The following CARMIL2 variants were observed in gnomAD, a reference collection of about 807,000 sequenced individuals.
CARMIL2 encodes the protein capping protein, Arp2/3 and myosin-I linker protein 2.
CARMIL2 carries 96 observed loss-of-function variants against 173.3 expected under a neutral mutation model. That is an observed-to-expected ratio of 0.55 (90% CI 0.47 to 0.66). The LOEUF (loss-of-function observed/expected upper bound fraction) is 0.66. Ranked by LOEUF, CARMIL2 falls within the 30% of genes least tolerant of loss-of-function variation. The pLI, the probability that CARMIL2 is intolerant of heterozygous loss-of-function variation, is 0.00. For synonymous variants in CARMIL2, 830 were observed against 817.1 expected (o/e 1.02, Z -0.27); for missense variants, 1,771 against 1,906.7 (o/e 0.93, Z 1.33).
chr16:67,650,125 G>T lies in CARMIL2; in HGVS notation c.2159G>T (p.Gly720Val). The T allele has an allele frequency of 6.2e-7, 1 of 1,613,132 alleles. No homozygotes were observed. Among genetic ancestry groups the T allele is most frequent in the Non-Finnish European group, 8.5e-7 (1 of 1,179,692 alleles). ...CACACGACCCGCCTTCAGCCACTTG[G>T]TCTGGTCTCAGACCCCTCAGAGCAG... ...SDHTTRLQPL[G>V]LVSDPSEQEV... is the part of the protein sequence containing the mutation. Residue 720 changes from glycine (G) to valine (V), a missense_variant, in exon 22 of 38, where the codon GGT becomes GTT. Physicochemically the swap from Gly to Val is moderately radical, Grantham distance 109. Coordinates refer to ENST00000334583, the MANE Select transcript of CARMIL2 (RefSeq NM_001013838.3).
chr16:67,655,065 T>C (rs1199382546), intron 32 of CARMIL2, among the ~76,000 whole-genome samples, 165 bp downstream of exon 32: 2 of 152,258 alleles, frequency 1.3e-5, no homozygotes, highest in Non-Finnish European at 2.9e-5. Flanking sequence ...CTCTTGGCTT[T>C]GACCCAGGCA....
Position 67,657,223 on chromosome 16 carries a change from T to C in CARMIL2, c.4118-16T>C. 1.9e-6 allele frequency: 3 copies of C among 1,612,746 alleles called. No individual in the cohort carries two copies. The South Asian group carries it at 3.3e-5, about 18-fold the overall frequency. Reference sequence around the variant, plus strand: ...AAGCCTTAGCAACCCACCCCAAGCCTTTCTGTGTCCCTTAGAACGGCCCCT... The same window carrying C: ...AAGCCTTAGCAACCCACCCCAAGCCCTTCTGTGTCCCTTAGAACGGCCCCT... On this transcript the variant is annotated splice_polypyrimidine_tract_variant and intron_variant, in intron 36 of 37. Coordinates refer to ENST00000334583, the MANE Select transcript of CARMIL2 (RefSeq NM_001013838.3). The surrounding 1 kb of genome is among the most constrained non-coding windows in gnomAD (Gnocchi z 4.5).
In CARMIL2 at chr16:67,654,490, C is replaced by A; in HGVS notation, c.3380C>A (p.Thr1127Asn). Residue 1127 changes from threonine (T) to asparagine (N), a missense_variant, in exon 31 of 38, where the codon ACC becomes AAC. Around this residue, in one of 3 missense-constraint regions of CARMIL2, gnomAD observed 817 missense variants for 903.5 expected, o/e 0.90. Coordinates refer to ENST00000334583, the MANE Select transcript of CARMIL2 (RefSeq NM_001013838.3). ...ACCAGCCCTGGGGCAGCTCCCCGAA[C>A]CCGAAAAACTACATTTGGCGACCTA... is the stretch of plus-strand genomic sequence containing the variant. ...LETSPGAAPR[T>N]RKTTFGDLLR... The A allele has an allele frequency of 6.2e-7, 1 of 1,612,856 alleles. No individual in the cohort carries two copies. The highest frequency in any genetic ancestry group is 1.1e-5 in the South Asian group (1 of 90,988).
chr16:67,650,004 C>CAA (rs761164832), intron 21 of CARMIL2, 36 bp downstream of exon 21: 8 of 1,613,394 alleles, frequency 5.0e-6, no homozygotes, highest in Non-Finnish European at 8.5e-7. Context: ...CTTCTCTGCA[C>CAA]GGTAACTCCG....
At position 67,646,637 on chromosome 16, in the gene CARMIL2, C is replaced by A; in HGVS notation, c.467-77C>A. On this transcript the variant is annotated intron_variant, in intron 6 of 37. Transcript: ENST00000334583. The surrounding 1 kb of genome is among the most constrained non-coding windows in gnomAD (Gnocchi z 4.6). ...ATTCAGGTCCCAGCCACCACCTAGT[C>A]TGTGGGTCTGGTCTTCCTCCATCGC... 2 of 1,574,994 alleles carry A rather than the reference C, an allele frequency of 1.3e-6. No individual in the cohort carries two copies. The highest frequency in any genetic ancestry group is 1.7e-6 in the Non-Finnish European group (2 of 1,144,892).
rs775538710 is a variant in CARMIL2 at position 67,649,052 on chromosome 16, G to C, written c.1592-24G>C. Reference sequence around the variant, plus strand: ...CACCCTACCCTTGCAACTTCGCCTCGTGCGTGACCCGAGTCACCCCCAGGC... The same window carrying C: ...CACCCTACCCTTGCAACTTCGCCTCCTGCGTGACCCGAGTCACCCCCAGGC... On this transcript the variant is annotated intron_variant, in intron 17 of 37. Transcript: ENST00000334583. The surrounding 1 kb of genome is among the most constrained non-coding windows in gnomAD (Gnocchi z 6.7). 6.2e-7 allele frequency: 1 copy of C among 1,608,976 alleles called. No individual in the cohort carries two copies. The highest frequency in any genetic ancestry group is 1.1e-5 in the South Asian group (1 of 90,056).
rs943900483 is a variant in CARMIL2, at chr16:67,648,512, G to A, written c.1439+10G>A. 1.4e-6 allele frequency: 2 copies of A among 1,465,360 alleles called. No homozygotes were observed. The highest frequency in any genetic ancestry group is 9.0e-7 in the Non-Finnish European group (1 of 1,107,874). 90.8% of individuals were successfully genotyped at this position (1,465,360 alleles called of 1,614,324 possible). ...CGCCCGACGCGCTCAGGTCAGTGTCGGACCCCGGCCACGCCCCCGCGGGCG... is the reference window on the plus strand; with the variant it reads ...CGCCCGACGCGCTCAGGTCAGTGTCAGACCCCGGCCACGCCCCCGCGGGCG... On this transcript the variant is annotated intron_variant, in intron 15 of 37. Coordinates refer to ENST00000334583, the MANE Select transcript of CARMIL2 (RefSeq NM_001013838.3). The surrounding 1 kb of genome is among the most constrained non-coding windows in gnomAD (Gnocchi z 6.1).
chr16:67,653,423 A>C lies in CARMIL2; in HGVS notation c.3120+169A>C, dbSNP rs2052768720. ...CTTCTTCCTGACCACCCCCCACCCC[A>C]GGCCATGCCTGTGCGGGACCATGGG... On this transcript the variant is annotated intron_variant, in intron 29 of 37. Transcript: ENST00000334583. The surrounding 1 kb of genome is among the most constrained non-coding windows in gnomAD (Gnocchi z 7.4). Among the ~76,000 whole-genome samples, 1 of 151,682 alleles carries C rather than the reference A, an allele frequency of 6.6e-6. No individual in the cohort carries two copies. The highest frequency in any genetic ancestry group is 2.0e-4 in the East Asian group (1 of 5,120).
rs1235182201 is a variant in CARMIL2, at chr16:67,648,873, C to T, written c.1510-20C>T. Reference sequence around the variant, plus strand: ...GGCCTAAGTGGGTCCCACTTCCCACCTCCCACCTCCCACATACAGCTGCGC... The same window carrying T: ...GGCCTAAGTGGGTCCCACTTCCCACTTCCCACCTCCCACATACAGCTGCGC... On this transcript the variant is annotated intron_variant, in intron 16 of 37. Coordinates refer to ENST00000334583, the MANE Select transcript of CARMIL2 (RefSeq NM_001013838.3). This position sits in a 1 kb window ranked among gnomAD's most constrained non-coding sequence, Gnocchi z 6.1. 2.5e-6 allele frequency: 4 copies of T among 1,595,630 alleles called. No homozygotes were observed. Among genetic ancestry groups the T allele is most frequent in the Non-Finnish European group, 3.4e-6 (4 of 1,171,714 alleles).
rs73597580 is a variant in CARMIL2 at position 67,645,976 on chromosome 16, G to A, written c.187-42G>A. On this transcript the variant is annotated intron_variant, in intron 3 of 37. Transcript: ENST00000334583. ...CAAAGGACTGGACTTCCATGAGGGC[G>A]GGGCTGGGGGCTTGGTCCCAGCTGA... 0.1 allele frequency: 160,295 copies of A among 1,610,282 alleles called. 8,911 individuals carry two copies. Among genetic ancestry groups the A allele is most frequent in the African/African-American group, 0.19 (14,314 of 74,958 alleles).
chr16:67,654,178 T>TG lies in CARMIL2; in HGVS notation c.3153dup (p.Leu1052AlafsTer33). 6.5e-7 allele frequency: 1 copy of TG among 1,546,896 alleles called. No individual in the cohort carries two copies. Among genetic ancestry groups the TG allele is most frequent in the Non-Finnish European group, 8.7e-7 (1 of 1,147,210 alleles). On this transcript the variant is annotated frameshift_variant, in exon 30 of 38. Coordinates refer to ENST00000334583, the MANE Select transcript of CARMIL2 (RefSeq NM_001013838.3). LOFTEE classifies it high-confidence loss of function. ...CCCCAGCCTTGCCGCAGGAAGGGAA[T>TG]GGGCTCAGTGCCCGCGTGGACGAGG... is the stretch of plus-strand genomic sequence containing the variant.
chr16:67,652,973 C>A lies in CARMIL2; in HGVS notation c.2885-46C>A. The A allele has an allele frequency of 9.2e-7, 1 of 1,082,474 alleles. No homozygotes were observed. Among genetic ancestry groups the A allele is most frequent in the Non-Finnish European group, 1.2e-6 (1 of 832,590 alleles). 67.1% of individuals were successfully genotyped at this position (1,082,474 alleles called of 1,614,324 possible). On this transcript the variant is annotated intron_variant, in intron 28 of 37. Coordinates refer to ENST00000334583, the MANE Select transcript of CARMIL2 (RefSeq NM_001013838.3). The surrounding 1 kb of genome is among the most constrained non-coding windows in gnomAD (Gnocchi z 4.7). Reference sequence around the variant, plus strand: ...GCCGCCCTAGCGCCTCCGCCGCCACCTCCCCGGGCTCGGCGCTCGGTGCTC... The same window carrying A: ...GCCGCCCTAGCGCCTCCGCCGCCACATCCCCGGGCTCGGCGCTCGGTGCTC...
rs754865630 is a variant in CARMIL2, at chr16:67,654,191, C to A, written c.3163C>A (p.Arg1055Ser). 6.4e-7 allele frequency: 1 copy of A among 1,569,494 alleles called. No homozygotes were observed. The highest frequency in any genetic ancestry group is 8.6e-7 in the Non-Finnish European group (1 of 1,157,814). Residue 1055 changes from arginine to serine, a missense_variant, in exon 30 of 38, where the codon CGC becomes AGC. Physicochemically the swap from Arg to Ser is moderately radical, Grantham distance 110. Around this residue, in one of 3 missense-constraint regions of CARMIL2, gnomAD observed 817 missense variants for 903.5 expected, o/e 0.90. Coordinates refer to ENST00000334583, the MANE Select transcript of CARMIL2 (RefSeq NM_001013838.3). Reference sequence around the variant, plus strand: ...GCAGGAAGGGAATGGGCTCAGTGCCCGCGTGGACGAGGGCGTGGAGGAATT... The same window carrying A: ...GCAGGAAGGGAATGGGCTCAGTGCCAGCGTGGACGAGGGCGTGGAGGAATT... The part of the protein sequence containing the change: ...LPQEGNGLSA[R>S]VDEGVEEFFS...
intron 32 of CARMIL2, 81 bp from the exon 33 acceptor site, chr16:67,655,950 G>A (rs2052839883): frequency 1.3e-6 from 2 of 1,515,106 alleles, no homozygotes; most frequent in Admixed American, 2.0e-5. Flanking sequence ...TCAGTGGCAG[G>A]ATTATAAGAA....
chr16:67,651,827 A>G lies in CARMIL2; in HGVS notation c.2570A>G (p.Asp857Gly), dbSNP rs62059341. 3.1e-6 allele frequency: 5 copies of G among 1,612,314 alleles called. No individual in the cohort carries two copies. Among genetic ancestry groups the G allele is most frequent in the South Asian group, 2.2e-5 (2 of 91,064 alleles). The change falls in exon 25 of 38, where the codon GAT becomes GGT. Residue 857 changes from aspartate to glycine, a missense_variant. Transcript: ENST00000334583. This position sits in a 1 kb window ranked among gnomAD's most constrained non-coding sequence, Gnocchi z 4.2. ...CTGCTCCCAGAGCAGCTGCTGCAAG[A>G]TGCCTTCACTAGGCTCAGGTAGGCT... ...PELLPEQLLQ[D>G]AFTRLRDMRL...
Position 67,650,101 on chromosome 16 carries a change from A to G in CARMIL2, c.2135A>G (p.His712Arg). 1.2e-6 allele frequency: 2 copies of G among 1,613,658 alleles called. No homozygotes were observed. Among genetic ancestry groups the G allele is most frequent in the Non-Finnish European group, 1.7e-6 (2 of 1,179,800 alleles). Residue 712 changes from histidine (H) to arginine (R), a missense_variant, in exon 22 of 38, where the codon CAC becomes CGC. By Grantham distance (29) the His-to-Arg change is conservative. Transcript: ENST00000334583. Reference protein sequence around the residue: ...NNRADPASSDHTTRLQPLGLV... With the variant: ...NNRADPASSDRTTRLQPLGLV... ...CGCGCAGACCCTGCCTCTTCTGACC[A>G]CACGACCCGCCTTCAGCCACTTGGT...
Position 67,647,152 on chromosome 16 carries a change from C to T in CARMIL2, c.648C>T (p.Asn216=). The T allele has an allele frequency of 3.7e-6, 6 of 1,613,846 alleles. No individual in the cohort carries two copies. Among genetic ancestry groups the T allele is most frequent in the Non-Finnish European group, 5.1e-6 (6 of 1,179,872 alleles). ...TGAGTGTGGCTGCCCTGTCCTACAA[C>T]CTGTGGTTCCGGTGCCTCTCCTGTG... is the stretch of plus-strand genomic sequence containing the variant. The part of the protein sequence containing the change: ...LALSVAALSY[N]LWFRCLSCVD... The change falls in exon 9 of 38, where the codon AAC becomes AAT. Residue 216 remains asparagine, a synonymous_variant. Coordinates refer to ENST00000334583, the MANE Select transcript of CARMIL2 (RefSeq NM_001013838.3).
At position 67,657,021 on chromosome 16, in the gene CARMIL2, G is replaced by GGGAGCCAAACCCT; in HGVS notation, c.4117+141_4117+142insGAGCCAAACCCTG. On this transcript the variant is annotated intron_variant, in intron 36 of 37. Transcript: ENST00000334583. The surrounding 1 kb of genome is among the most constrained non-coding windows in gnomAD (Gnocchi z 4.5). The stretch of plus-strand genomic sequence containing the variant: ...AAGAAATCAGGGAGCCAGAAGACCA[G>GGGAGCCAAACCCT]GTGCAAGGGTTTGACAGCAAGCCCT... The GGGAGCCAAACCCT allele has an allele frequency of 1.3e-6, 1 of 794,806 alleles. No homozygotes were observed. The highest frequency in any genetic ancestry group is 2.0e-6 in the Non-Finnish European group (1 of 502,488). 49.2% of individuals were successfully genotyped at this position (794,806 alleles called of 1,614,324 possible).
At position 67,649,992 on chromosome 16, in the gene CARMIL2, C is replaced by A. The variant is rs762017684; in HGVS notation, c.2082+24C>A. 1 of 1,613,538 alleles carries A rather than the reference C, an allele frequency of 6.2e-7. No homozygotes were observed. Among genetic ancestry groups the A allele is most frequent in the Non-Finnish European group, 8.5e-7 (1 of 1,179,750 alleles). ...AGGTGGGCGTCCCCCTCTTCCCTTGCCCTTCTCTGCACGGTAACTCCGTCC... is the reference window on the plus strand; with the variant it reads ...AGGTGGGCGTCCCCCTCTTCCCTTGACCTTCTCTGCACGGTAACTCCGTCC... On this transcript the variant is annotated intron_variant, in intron 21 of 37. Transcript: ENST00000334583. The surrounding 1 kb of genome is among the most constrained non-coding windows in gnomAD (Gnocchi z 6.7).
Sources: gnomAD v4.1 joint callset for allele counts (sites outside exome capture counted in the v4.1 genomes callset) on GRCh38, gnomAD v4.1.1 for gene constraint, gnomAD v4.1.1 regional missense constraint, Gnocchi (gnomAD v3.1) non-coding constraint, MANE v1.5 for transcripts, NCBI Gene and HGNC (gene_info 2026-07-23, HGNC 2026-07-21) for gene names.